The following MCF2L2 variants were observed in gnomAD, a reference collection of about 807,000 sequenced individuals.
The protein encoded by MCF2L2 is MCF.2 cell line derived transforming sequence-like 2, also known as probable guanine nucleotide exchange factor MCF2L2.
In MCF2L2, 102 loss-of-function variants were observed where a neutral mutation model predicts 150.2. The observed-to-expected ratio is 0.68, with a 90% CI of 0.58 to 0.80. The LOEUF is 0.80. Among genes scored for constraint, MCF2L2 ranks in the 30% least tolerant of loss-of-function variants. The pLI, the probability that MCF2L2 is intolerant of heterozygous loss-of-function variation, is 0.00. For synonymous variants in MCF2L2, 465 were observed against 491.3 expected, an observed-to-expected ratio of 0.95 and a Z score of 0.71; for missense variants, 1,256 against 1,372.8, an observed-to-expected ratio of 0.91 and a Z score of 1.34.
rs145789206 is a variant in MCF2L2 at position 183,243,756 on chromosome 3, G to A, written c.1863-12739C>T. Among the ~76,000 whole-genome samples the A allele has an allele frequency of 2.9e-3, 447 of 152,292 alleles. 2 individuals carry two copies. The highest frequency in any genetic ancestry group is 3.8e-3 in the Non-Finnish European group (259 of 68,020). ...TTTTGCATAAGTGTTTGAACAGTTC[G>A]TGCCAAGGACTATCAGTGTTCTCCA... On this transcript the variant is annotated intron_variant, in intron 15 of 29. Transcript: ENST00000328913.
intron 3 of MCF2L2, among the ~76,000 whole-genome samples, chr3:183,357,703 G>T (rs1477630123): frequency 2.0e-5 from 3 of 152,046 alleles, no homozygotes; most frequent in African/African-American, 7.3e-5. Flanking sequence ...GCCCATGAAG[G>T]GTAATAAAAT....
At chr3:183,339,137 C>T (rs1191240612) in intron 4 of MCF2L2, among the ~76,000 whole-genome samples, 1 of 151,930 alleles carries the variant, frequency 6.6e-6, no homozygotes. Flanking sequence ...ACCAAACAAG[C>T]AAGAAAAATG....
At chr3:183,325,030 C>A (rs962928748) in intron 5 of MCF2L2, among the ~76,000 whole-genome samples, 2 of 131,658 alleles carry the variant, frequency 1.5e-5, no homozygotes, top group African/African-American at 6.3e-5. Context: ...GACAAAAAAC[C>A]AAAGCATGTT....
chr3:183,347,090 C>A (rs1016861482), intron 3 of MCF2L2, among the ~76,000 whole-genome samples: 1 of 152,040 alleles, frequency 6.6e-6, no homozygotes, highest in Non-Finnish European at 1.5e-5. Flanking sequence ...AAAAAGAGCC[C>A]GTATAGCTAA....
chr3:183,359,889 A>G (rs2108563579), intron 3 of MCF2L2, among the ~76,000 whole-genome samples: 1 of 152,344 alleles, frequency 6.6e-6, no homozygotes, highest in African/African-American at 2.4e-5. Flanking sequence ...TGAGGAAACA[A>G]TGATGTCTAA....
At chr3:183,245,192 A>T (rs1724194500) in intron 15 of MCF2L2, among the ~76,000 whole-genome samples, 1 of 152,216 alleles carries the variant, frequency 6.6e-6, no homozygotes, top group Non-Finnish European at 1.5e-5. Context: ...AGGTCACAAG[A>T]CTTTTATTCA....
At chr3:183,287,177 A>AC (rs1470749365) in intron 14 of MCF2L2, among the ~76,000 whole-genome samples, 1 of 152,208 alleles carries the variant, frequency 6.6e-6, no homozygotes, top group African/African-American at 2.4e-5. Flanking sequence ...AACAACAACA[A>AC]AAAAATAGCA....
chr3:183,277,358 G>T (rs1330131109), intron 14 of MCF2L2, among the ~76,000 whole-genome samples: 1 of 149,724 alleles, frequency 6.7e-6, no homozygotes, highest in Non-Finnish European at 1.5e-5. Context: ...AAAAAAGCAG[G>T]TGTCCTTTCC....
At chr3:183,414,595 C>T (rs1715489191) in intron 1 of MCF2L2, among the ~76,000 whole-genome samples, 1 of 152,056 alleles carries the variant, frequency 6.6e-6, no homozygotes, top group African/African-American at 2.4e-5. Flanking sequence ...CTTCCTTCTA[C>T]TTTATATTTA....
At chr3:183,217,690 C>A (rs1722996343) in intron 21 of MCF2L2, among the ~76,000 whole-genome samples, 1 of 152,148 alleles carries the variant, frequency 6.6e-6, no homozygotes, top group Admixed American at 6.6e-5. Flanking sequence ...TATTTCCACA[C>A]TGAATCTCCC....
intron 15 of MCF2L2, chr3:183,272,240 A>C (rs145613811): frequency 2.0e-6 from 2 of 1,000,242 alleles, no homozygotes; most frequent in Non-Finnish European, 2.4e-6. Flanking sequence ...AAATGTGGCT[A>C]TAATACACAC....
Position 183,427,956 on chromosome 3 carries a change from C to T in MCF2L2, c.22G>A (p.Glu8Lys). The part of the protein sequence containing the change: MLSCLKE[E>K]MPPQELTRRL... ...CGGGTGAGCTCCTGGGGAGGCATCT[C>T]TTCTTTTAAGCAAGACAGCATTTCA... The change falls in exon 1 of 30, where the codon GAG (glutamate) becomes AAG (lysine). Residue 8 changes from glutamate to lysine, a missense_variant. Coordinates refer to ENST00000328913, the MANE Select transcript of MCF2L2 (RefSeq NM_015078.4). 6.2e-7 allele frequency: 1 copy of T among 1,613,824 alleles called. No individual in the cohort carries two copies. Among genetic ancestry groups the T allele is most frequent in the Non-Finnish European group, 8.5e-7 (1 of 1,179,778 alleles).
At chr3:183,234,089 G>C (rs945247736) in intron 15 of MCF2L2, among the ~76,000 whole-genome samples, 1 of 152,130 alleles carries the variant, frequency 6.6e-6, no homozygotes, top group African/African-American at 2.4e-5. Flanking sequence ...AAACAACAAC[G>C]GTTTCTATGT....
chr3:183,426,043 CAGGTTTT>C (rs1716148447), intron 1 of MCF2L2, among the ~76,000 whole-genome samples: 1 of 152,020 alleles, frequency 6.6e-6, no homozygotes, highest in African/African-American at 2.4e-5. Context: ...ACCCATTTCA[CAGGTTTT>C]ATTAGATTAA....
chr3:183,352,894 T>C (rs913834343), intron 3 of MCF2L2, among the ~76,000 whole-genome samples: 2 of 152,230 alleles, frequency 1.3e-5, no homozygotes, highest in African/African-American at 2.4e-5. Flanking sequence ...TAGAAATGCA[T>C]GCTGAAATAT....
Position 183,270,588 on chromosome 3 carries a change from G to A in MCF2L2, c.1862+6284C>T, listed in dbSNP as rs113447284. On this transcript the variant is annotated intron_variant, in intron 15 of 29. Transcript: ENST00000328913. The surrounding 1 kb of genome is among the most constrained non-coding windows in gnomAD (Gnocchi z 4.5). Reference sequence around the variant, plus strand: ...AGCTGCCTATGTAATCTCCGGTGATGTAGCTGCCAAAGTCTATGAGGCATC... The same window carrying A: ...AGCTGCCTATGTAATCTCCGGTGATATAGCTGCCAAAGTCTATGAGGCATC... The A allele has an allele frequency of 1.9e-6, 3 of 1,614,054 alleles. No individual in the cohort carries two copies. Among genetic ancestry groups the A allele is most frequent in the African/African-American group, 1.3e-5 (1 of 74,898 alleles).
chr3:183,294,785 C>T (rs567728411), intron 13 of MCF2L2, among the ~76,000 whole-genome samples: 5 of 150,790 alleles, frequency 3.3e-5, no homozygotes, highest in Admixed American at 2.0e-4. Context: ...CCCACCACCA[C>T]GCCTGGCTAA....
chr3:183,322,042 C>T (rs1729834861), intron 6 of MCF2L2, among the ~76,000 whole-genome samples: 1 of 152,246 alleles, frequency 6.6e-6, no homozygotes, highest in Non-Finnish European at 1.5e-5. Context: ...GCACTAACTC[C>T]ATTTATGATG....
At chr3:183,195,158 T>C in intron 26 of MCF2L2, 64 bp downstream of exon 26, 1 of 1,256,684 alleles carries the variant, frequency 8.0e-7, no homozygotes. Context: ...AGCAATGACA[T>C]GGACTCAATA....
Sources: gnomAD v4.1 joint callset for allele counts (sites outside exome capture counted in the v4.1 genomes callset) on GRCh38, gnomAD v4.1.1 for gene constraint, Gnocchi (gnomAD v3.1) non-coding constraint, MANE v1.5 for transcripts, NCBI Gene and HGNC (gene_info 2026-07-23, HGNC 2026-07-21) for gene names.